SMIM35: variants seen among roughly 807,000 people sequenced by gnomAD.
The protein encoded by SMIM35 is small integral membrane protein 35.
intron 1 of SMIM35, among the ~76,000 whole-genome samples, chr11:118,024,365 G>A (rs1243780827): frequency 6.6e-6 from 1 of 152,138 alleles, no homozygotes. Context: ...TAAACCATAT[G>A]TATAGGTTGG....
rs367714265 is a variant in SMIM35, at chr11:118,021,047, G to GTTTTTTTTTTTTTTTTTTT, written c.8-5239_8-5238insAAAAAAAAAAAAAAAAAAA. ...TTAGTTTCCAAATTCACAGGGTAAG[G>GTTTTTTTTTTTTTTTTTTT]TTTTTTTTTTTACTATTTATTAAGA... On this transcript the variant is annotated intron_variant, in intron 1 of 4. Coordinates refer to ENST00000689828, the MANE Select transcript of SMIM35 (RefSeq NM_001394165.1). Among the ~76,000 whole-genome samples, 222 of 140,498 alleles carry GTTTTTTTTTTTTTTTTTTT rather than the reference G, an allele frequency of 1.6e-3. 2 individuals are homozygous for GTTTTTTTTTTTTTTTTTTT. The highest frequency in any genetic ancestry group is 5.1e-3 in the African/African-American group (194 of 38,030). The allele number at this position is 140,498 out of a possible 152,430, so 92.2% of individuals were successfully genotyped here. A position where few individuals can be genotyped will look rare whatever the true frequency, so the allele number is the denominator to read the frequency against.
chr11:118,035,921 T>C (rs2058356327), intron 1 of SMIM35, among the ~76,000 whole-genome samples: 1 of 151,530 alleles, frequency 6.6e-6, no homozygotes, highest in South Asian at 2.1e-4. Context: ...CGAGTCTCGC[T>C]CTATCGCCCA....
chr11:118,073,699 C>T (rs967530157), intron 1 of SMIM35, among the ~76,000 whole-genome samples: 1 of 152,176 alleles, frequency 6.6e-6, no homozygotes, highest in African/African-American at 2.4e-5. Context: ...CTGGGGTGAC[C>T]GCCTCTGTGC....
chr11:118,013,943 T>C, intron 3 of SMIM35, 63 bp from the exon 4 acceptor site: 1 of 398,430 alleles, frequency 2.5e-6, no homozygotes, highest in Non-Finnish European at 4.4e-6. Context: ...TGGGTCCCCA[T>C]CTCCCTTGAC....
At chr11:118,056,843 G>T (rs188410111) in intron 1 of SMIM35, among the ~76,000 whole-genome samples, 62 of 152,326 alleles carry the variant, frequency 4.1e-4, no homozygotes, top group African/African-American at 1.5e-3. Flanking sequence ...TAGCAACGGA[G>T]GTCATCAGTG....
intron 2 of SMIM35, among the ~76,000 whole-genome samples, chr11:118,015,260 C>T (rs2058173491): frequency 6.6e-6 from 1 of 152,146 alleles, no homozygotes; most frequent in Non-Finnish European, 1.5e-5. Context: ...TTGAGAACAC[C>T]ACAGCAAATT....
At chr11:118,016,058 G>T (rs1207555111) in intron 1 of SMIM35, among the ~76,000 whole-genome samples, 1 of 152,224 alleles carries the variant, frequency 6.6e-6, no homozygotes, top group East Asian at 1.9e-4. Context: ...AGTAGAGATT[G>T]TTTGAGGTCT....
At chr11:118,084,836 A>G (rs1278624966) in intron 1 of SMIM35, among the ~76,000 whole-genome samples, 1 of 152,236 alleles carries the variant, frequency 6.6e-6, no homozygotes, top group African/African-American at 2.4e-5. Context: ...AAAATTTATT[A>G]ACTTGCTCAA....
chr11:118,038,925 G>T lies in SMIM35; in HGVS notation c.8-23116C>A, dbSNP rs1785231725. Among the ~76,000 whole-genome samples, 3 of 152,282 alleles carry T rather than the reference G, an allele frequency of 2.0e-5. No individual in the cohort carries two copies. The South Asian group carries it at 6.2e-4, about 32-fold the overall frequency. On this transcript the variant is annotated intron_variant, in intron 1 of 4. Transcript: ENST00000689828. ...CATGTGTGGCTGGATTACATGCAAG[G>T]ATGGAAGGTGTGAAGTGAGGAGAGG...
intron 1 of SMIM35, among the ~76,000 whole-genome samples, chr11:118,073,120 T>C (rs1944599388): frequency 6.6e-6 from 1 of 152,208 alleles, no homozygotes; most frequent in African/African-American, 2.4e-5. Flanking sequence ...GTTTGGTATT[T>C]TTAATAGAGG....
intron 4 of SMIM35, among the ~76,000 whole-genome samples, chr11:118,010,266 C>T (rs961756643): frequency 6.6e-6 from 1 of 152,188 alleles, no homozygotes; most frequent in African/African-American, 2.4e-5. Flanking sequence ...GAGAGAGGGG[C>T]ACCAGAGACA....
chr11:118,081,743 A>G (rs1333210588), intron 1 of SMIM35, among the ~76,000 whole-genome samples: 2 of 138,424 alleles, frequency 1.4e-5, no homozygotes, highest in African/African-American at 5.4e-5. Flanking sequence ...CTTCCTCTAA[A>G]TCTGTATGCA....
intron 4 of SMIM35, among the ~76,000 whole-genome samples, chr11:118,012,275 G>T (rs150803189): frequency 1.4e-3 from 214 of 152,306 alleles, no homozygotes; most frequent in African/African-American, 4.8e-3. Flanking sequence ...GAACAAGTCT[G>T]CACTAAGCAC....
intron 4 of SMIM35, among the ~76,000 whole-genome samples, chr11:118,007,163 A>AGGTT (rs2058126320): frequency 6.6e-6 from 1 of 151,512 alleles, no homozygotes; most frequent in African/African-American, 2.4e-5. Context: ...AGGGAGAAGT[A>AGGTT]GGTTCTTGGG....
intron 1 of SMIM35, among the ~76,000 whole-genome samples, chr11:118,018,934 G>A (rs2135028905): frequency 6.6e-6 from 1 of 151,380 alleles, no homozygotes; most frequent in Non-Finnish European, 1.5e-5. Context: ...GAACAGCCAT[G>A]TGCCTACTAG....
chr11:118,016,248 G>A (rs751665635), intron 1 of SMIM35, among the ~76,000 whole-genome samples: 3 of 152,178 alleles, frequency 2.0e-5, no homozygotes, highest in Non-Finnish European at 4.4e-5. Context: ...AGTGGCAGCA[G>A]GGTGTTAACC....
chr11:118,052,005 TA>T (rs1944224279), intron 1 of SMIM35, among the ~76,000 whole-genome samples: 5 of 152,122 alleles, frequency 3.3e-5, no homozygotes, highest in Admixed American at 3.3e-4. Context: ...CCTGCCTCCC[TA>T]GAACATGGCG....
At chr11:118,028,713 A>T (rs1480606937) in intron 1 of SMIM35, 1 of 354,706 alleles carries the variant, frequency 2.8e-6, no homozygotes, top group South Asian at 2.2e-5. Flanking sequence ...CTAAAAACAA[A>T]GTAAGGTCAA....
At chr11:118,029,025 AT>A (rs1362526343) in intron 1 of SMIM35, 1 of 344,714 alleles carries the variant, frequency 2.9e-6, no homozygotes, top group South Asian at 2.3e-5. Flanking sequence ...ATACAGGAGA[AT>A]AGTCTGTCAT....
Sources: gnomAD v4.1 joint callset for allele counts (sites outside exome capture counted in the v4.1 genomes callset) on GRCh38, gnomAD v4.1.1 for gene constraint, MANE v1.5 for transcripts, NCBI Gene and HGNC (gene_info 2026-07-23, HGNC 2026-07-21) for gene names.